The following LYST variants were observed in gnomAD, a reference collection of about 807,000 sequenced individuals.
LYST encodes the protein lysosomal trafficking regulator.
A neutral mutation model predicts 413.6 loss-of-function variants in LYST; 192 were observed. The observed-to-expected ratio is 0.46, with a 90% CI of 0.41 to 0.52. The LOEUF (loss-of-function observed/expected upper bound fraction) is 0.52, where lower values mean the gene tolerates loss of function less well. Ranked by LOEUF, LYST falls within the 20% of genes least tolerant of loss-of-function variation. The pLI, the probability that LYST is intolerant of heterozygous loss-of-function variation, is 0.00. For synonymous variants in LYST, 1,525 were observed against 1,567.3 expected (o/e 0.97, Z 0.64); for missense variants, 3,815 against 4,499.9 (o/e 0.85, Z 4.35).
chr1:235,851,389 T>C (rs929563122), intron 1 of LYST, among the ~76,000 whole-genome samples: 6 of 146,272 alleles, frequency 4.1e-5, no homozygotes, highest in African/African-American at 1.3e-4. Flanking sequence ...CAATGGACTC[T>C]GAGGACTTGG....
chr1:235,861,789 G>A (rs923025859), intron 1 of LYST, among the ~76,000 whole-genome samples: 8 of 152,276 alleles, frequency 5.3e-5, no homozygotes, highest in Middle Eastern at 3.4e-3. Context: ...ATGGCTCCTG[G>A]CTTCGGAGAC....
chr1:235,800,201 C>T, intron 10 of LYST, 119 bp downstream of exon 10: 1 of 700,112 alleles, frequency 1.4e-6, no homozygotes, highest in South Asian at 1.5e-5. Flanking sequence ...CCTGCCACCT[C>T]AGCCTCCCAA....
At chr1:235,828,106 A>G in intron 3 of LYST, 2 of 929,468 alleles carry the variant, frequency 2.2e-6, no homozygotes, top group South Asian at 1.0e-4. Flanking sequence ...GGCTAACACT[A>G]CAGACTAGCA....
intron 1 of LYST, among the ~76,000 whole-genome samples, chr1:235,871,998 G>A (rs2145786): frequency 0.82 from 124,451 of 152,178 alleles, 51,354 homozygotes; most frequent in African/African-American, 0.94. Flanking sequence ...TTTAATCAGA[G>A]TTTTACGTAA....
chr1:235,791,113 A>G (rs935629466), intron 12 of LYST, among the ~76,000 whole-genome samples: 1 of 152,112 alleles, frequency 6.6e-6, no homozygotes, highest in Non-Finnish European at 1.5e-5. Context: ...GTGAAACACC[A>G]TCGCTACTAA....
intron 4 of LYST, 133 bp downstream of exon 4, chr1:235,812,838 T>C: frequency 1.5e-6 from 1 of 688,488 alleles, no homozygotes. Flanking sequence ...AAATAATTTT[T>C]CATATTTAGT....
chr1:235,834,154 C>A (rs1676287274), intron 1 of LYST, among the ~76,000 whole-genome samples: 1 of 152,104 alleles, frequency 6.6e-6, no homozygotes, highest in Non-Finnish European at 1.5e-5. Context: ...AATTTCATAT[C>A]TTTATTGAAG....
chr1:235,831,478 A>G (rs1393831754), intron 2 of LYST, among the ~76,000 whole-genome samples: 1 of 152,222 alleles, frequency 6.6e-6, no homozygotes, highest in African/African-American at 2.4e-5. Context: ...TGTGGTAGTC[A>G]TTATGAGGTA....
Position 235,693,539 on chromosome 1 carries a change from A to G in LYST, c.10565-53T>C, listed in dbSNP as rs1287066242. The G allele has an allele frequency of 6.8e-6, 11 of 1,610,002 alleles. No individual in the cohort carries two copies. In the South Asian group the frequency reaches 1.1e-4, roughly 16 times the overall value. On this transcript the variant is annotated intron_variant, in intron 46 of 52. Coordinates refer to ENST00000389793, the MANE Select transcript of LYST (RefSeq NM_000081.4). Reference sequence around the variant, plus strand: ...CAGATTGTCACTGCTCGACTGTTACATGACAGCCCAAAACTGGCAGATTAA... The same window carrying G: ...CAGATTGTCACTGCTCGACTGTTACGTGACAGCCCAAAACTGGCAGATTAA...
chr1:235,691,350 T>C (rs1365190664), intron 47 of LYST, among the ~76,000 whole-genome samples: 1 of 152,188 alleles, frequency 6.6e-6, no homozygotes, highest in Non-Finnish European at 1.5e-5. Context: ...AAGTTACTAG[T>C]CAAAGGCTGC....
At chr1:235,738,278 T>C in intron 31 of LYST, 1 of 1,611,600 alleles carries the variant, frequency 6.2e-7, no homozygotes, top group Non-Finnish European at 8.5e-7. Context: ...AGCTGGTCAC[T>C]ATCACGGCTG....
At chr1:235,712,000 T>C (rs1662439109) in intron 43 of LYST, 57 bp downstream of exon 43, 1 of 1,394,556 alleles carries the variant, frequency 7.2e-7, no homozygotes, top group African/African-American at 1.5e-5. Flanking sequence ...TTTTGGAAAA[T>C]TACAAAATAA....
intron 20 of LYST, among the ~76,000 whole-genome samples, chr1:235,768,601 T>C (rs1668360100): frequency 6.6e-6 from 1 of 151,992 alleles, no homozygotes; most frequent in Non-Finnish European, 1.5e-5. Context: ...GAACTATACA[T>C]GTAAAGAAAA....
upstream of LYST, among the ~76,000 whole-genome samples, chr1:235,869,464 TC>T (rs1680834719): frequency 1.3e-5 from 2 of 151,248 alleles, no homozygotes; most frequent in African/African-American, 4.9e-5. Flanking sequence ...AGAGCGAGAC[TC>T]CGTCTCAAAA....
At position 235,809,133 on chromosome 1, in the gene LYST, T is replaced by C. The variant is rs748538643; in HGVS notation, c.1685A>G (p.Gln562Arg). 1 of 1,614,108 alleles carries C rather than the reference T, an allele frequency of 6.2e-7. No homozygotes were observed. The highest frequency in any genetic ancestry group is 8.5e-7 in the Non-Finnish European group (1 of 1,179,988). ...ACAAGTGCTGCTCAAGGAAGCCTGC[T>C]GTAGTAAGCGCAAGCACTGATGGGC... ...VCAHQCLRLLQQASLSSTCVQ... is the reference protein window; with the variant it reads ...VCAHQCLRLLRQASLSSTCVQ... Residue 562 changes from glutamine (Q) to arginine (R), a missense_variant, in exon 5 of 53, where the codon CAG becomes CGG. Gln to Arg is a conservative substitution (Grantham distance 43). Coordinates refer to ENST00000389793, the MANE Select transcript of LYST (RefSeq NM_000081.4). The surrounding 1 kb of genome is among the most constrained non-coding windows in gnomAD (Gnocchi z 4.0).
chr1:235,837,937 G>A (rs572512921), intron 1 of LYST, among the ~76,000 whole-genome samples: 2 of 151,856 alleles, frequency 1.3e-5, no homozygotes, highest in African/African-American at 2.4e-5. Flanking sequence ...AACAGAGAAA[G>A]GAAAATAGAT....
At chr1:235,738,716 C>G in intron 31 of LYST, 2 of 1,570,654 alleles carry the variant, frequency 1.3e-6, no homozygotes, top group East Asian at 4.5e-5. Context: ...AGAGTGCTTA[C>G]GAGGTGATCA....
chr1:235,770,437 T>C, intron 19 of LYST, 140 bp from the exon 20 acceptor site: 4 of 823,036 alleles, frequency 4.9e-6, no homozygotes, highest in Non-Finnish European at 8.2e-6. Context: ...AAAAAGCCAA[T>C]GTTAAAATTT....
intron 1 of LYST, among the ~76,000 whole-genome samples, chr1:235,863,536 A>C (rs987511147): frequency 6.6e-6 from 1 of 151,798 alleles, no homozygotes; most frequent in East Asian, 1.9e-4. Context: ...AAGGTGTTCA[A>C]GTTAAATACA....
Sources: gnomAD v4.1 joint callset for allele counts (sites outside exome capture counted in the v4.1 genomes callset) on GRCh38, gnomAD v4.1.1 for gene constraint, Gnocchi (gnomAD v3.1) non-coding constraint, MANE v1.5 for transcripts, NCBI Gene and HGNC (gene_info 2026-07-23, HGNC 2026-07-21) for gene names.